Variants in RGS6 observed in about 807,000 individuals in gnomAD.
RGS6 encodes the protein regulator of G-protein signaling 6.
A neutral mutation model predicts 78.5 loss-of-function variants in RGS6; 30 were observed. That is an observed-to-expected ratio of 0.38 (90% CI 0.29 to 0.52). The LOEUF is 0.52. Ranked by LOEUF, RGS6 falls within the 20% of genes least tolerant of loss-of-function variation. RGS6 has a pLI of 0.85. For missense variants in RGS6, 495 were observed against 609.7 expected, an observed-to-expected ratio of 0.81 and a Z score of 1.98; for synonymous variants, 206 against 206.0, an observed-to-expected ratio of 1.00 and a Z score of 0.00.
At chr14:72,166,701 T>C (rs2096932694) in intron 2 of RGS6, among the ~76,000 whole-genome samples, 1 of 152,220 alleles carries the variant, frequency 6.6e-6, no homozygotes, top group Non-Finnish European at 1.5e-5. Context: ...CATCTCACAA[T>C]TTGAAAATGT....
rs565685911 is a variant in RGS6, at chr14:72,488,634, C to T, written c.855-6518C>T. On this transcript the variant is annotated intron_variant, in intron 12 of 17. Transcript: ENST00000553525. Reference sequence around the variant, plus strand: ...GATTCTACTGCCTTAGGCTGGTCAGCGGACAGCTGCCTTCATTGCCATGCA... The same window carrying T: ...GATTCTACTGCCTTAGGCTGGTCAGTGGACAGCTGCCTTCATTGCCATGCA... 2.6e-4 allele frequency among the ~76,000 whole-genome samples: 39 copies of T among 152,358 alleles called. 1 individual carries two copies. In the South Asian group the frequency reaches 5.4e-3, roughly 21 times the overall value.
chr14:71,940,965 G>A (rs181729723), intron 1 of RGS6, among the ~76,000 whole-genome samples: 2 of 152,250 alleles, frequency 1.3e-5, no homozygotes, highest in African/African-American at 2.4e-5. Flanking sequence ...ACAGTGGGCC[G>A]CCTTTAAGAG....
At chr14:72,278,274 A>G (rs1157116898) in intron 2 of RGS6, among the ~76,000 whole-genome samples, 2 of 152,218 alleles carry the variant, frequency 1.3e-5, no homozygotes, top group Non-Finnish European at 2.9e-5. Flanking sequence ...TCCAGAAACA[A>G]TTTGGTTTTG....
At chr14:71,926,678 T>A in the RGS6 span, among the ~76,000 whole-genome samples, 1 of 152,070 alleles carries the variant, frequency 6.6e-6, no homozygotes, top group Non-Finnish European at 1.5e-5. Context: ...GAACTCTGGT[T>A]CTTAAATACC....
chr14:72,395,853 G>C (rs10132728), intron 3 of RGS6, among the ~76,000 whole-genome samples: 83,637 of 151,780 alleles, frequency 0.55, 25,818 homozygotes, highest in African/African-American at 0.84. Flanking sequence ...CCCTACAAAG[G>C]ACATGAACTC....
intron 2 of RGS6, among the ~76,000 whole-genome samples, chr14:71,983,279 C>T (rs945874438): frequency 2.6e-5 from 4 of 152,162 alleles, no homozygotes; most frequent in African/African-American, 9.7e-5. Flanking sequence ...AATACCTCTA[C>T]GTATGAAATG....
chr14:72,048,392 C>A (rs1288461257), intron 2 of RGS6, among the ~76,000 whole-genome samples: 6 of 152,278 alleles, frequency 3.9e-5, no homozygotes, highest in African/African-American at 1.4e-4. Flanking sequence ...TATGCTAACG[C>A]CTTCTAGTAC....
chr14:72,251,507 A>T (rs897046168), intron 2 of RGS6, among the ~76,000 whole-genome samples: 16 of 152,180 alleles, frequency 1.1e-4, no homozygotes, highest in African/African-American at 3.1e-4. Context: ...ATTTCTTTCA[A>T]TTCAAAAGTG....
At chr14:71,947,886 A>G (rs2091766900) in intron 1 of RGS6, among the ~76,000 whole-genome samples, 1 of 152,192 alleles carries the variant, frequency 6.6e-6, no homozygotes, top group Non-Finnish European at 1.5e-5. Flanking sequence ...CTAGAAGTGC[A>G]AGTTGAGGCC....
At chr14:72,609,393 T>C in the RGS6 span, among the ~76,000 whole-genome samples, 8 of 152,192 alleles carry the variant, frequency 5.3e-5, no homozygotes, top group African/African-American at 1.9e-4. Flanking sequence ...ACATCAGGTG[T>C]GGGCTGCTTC....
the RGS6 span, among the ~76,000 whole-genome samples, chr14:72,584,560 G>C: frequency 6.6e-6 from 1 of 152,182 alleles, no homozygotes; most frequent in Non-Finnish European, 1.5e-5. Flanking sequence ...TGGGAGAAGA[G>C]CCAGTGAAAA....
At chr14:71,982,171 C>T (rs1566955879) in intron 2 of RGS6, among the ~76,000 whole-genome samples, 2 of 152,188 alleles carry the variant, frequency 1.3e-5, no homozygotes, top group Non-Finnish European at 2.9e-5. Flanking sequence ...CACCCACTGA[C>T]CTGCGCCCAG....
intron 2 of RGS6, among the ~76,000 whole-genome samples, chr14:72,218,729 A>C (rs1035125831): frequency 5.3e-5 from 8 of 152,094 alleles, no homozygotes; most frequent in Non-Finnish European, 1.2e-4. Flanking sequence ...CTCCTGTCTC[A>C]GCCTCCCAAG....
rs151268371 is a variant in RGS6 at position 72,371,673 on chromosome 14, A to G, written c.184+19479A>G. On this transcript the variant is annotated intron_variant, in intron 3 of 17. Coordinates refer to ENST00000553525, the MANE Select transcript of RGS6 (RefSeq NM_001204424.2). The stretch of plus-strand genomic sequence containing the variant: ...CTGCTCAGGAGGCTGAAGCAGGAGA[A>G]TTGCTTGAACCTGGGAGGCAGAGGT... 3.4e-3 allele frequency among the ~76,000 whole-genome samples: 518 copies of G among 152,326 alleles called. 3 individuals are homozygous for G. The highest frequency in any genetic ancestry group is 0.012 in the African/African-American group (499 of 41,578).
At chr14:72,380,640 C>G (rs931338388) in intron 3 of RGS6, among the ~76,000 whole-genome samples, 2 of 152,010 alleles carry the variant, frequency 1.3e-5, no homozygotes, top group Admixed American at 1.3e-4. Flanking sequence ...TTACCCCAGT[C>G]AGGATGGCTA....
At chr14:72,567,423 T>C (rs1234939507), downstream of RGS6, among the ~76,000 whole-genome samples, 1 of 152,208 alleles carries the variant, frequency 6.6e-6, no homozygotes, top group African/African-American at 2.4e-5. Context: ...TTCCAGAATC[T>C]TTGCTTATCG....
intron 2 of RGS6, among the ~76,000 whole-genome samples, chr14:72,297,013 G>T (rs909572557): frequency 5.3e-5 from 8 of 152,134 alleles, no homozygotes; most frequent in African/African-American, 1.9e-4. Context: ...AGTCATTCCA[G>T]CTCAATTTCT....
intron 2 of RGS6, among the ~76,000 whole-genome samples, chr14:72,011,339 C>T (rs1259205054): frequency 6.6e-6 from 1 of 152,126 alleles, no homozygotes; most frequent in Non-Finnish European, 1.5e-5. Flanking sequence ...ATGGATCTTT[C>T]GAAAGTGAAA....
intron 2 of RGS6, chr14:71,990,593 T>G (rs939898260): frequency 4.4e-6 from 2 of 455,928 alleles, no homozygotes; most frequent in Non-Finnish European, 8.8e-6. Flanking sequence ...CATTCTGTCT[T>G]GGTTTTACCC....
Sources: gnomAD v4.1 joint callset for allele counts (sites outside exome capture counted in the v4.1 genomes callset) on GRCh38, gnomAD v4.1.1 for gene constraint, MANE v1.5 for transcripts, NCBI Gene and HGNC (gene_info 2026-07-23, HGNC 2026-07-21) for gene names.